Variants in TANC1 observed in about 807,000 individuals in gnomAD.
TANC1 encodes tetratricopeptide repeat, ankyrin repeat and coiled-coil containing 1, also known as protein TANC1.
Under a neutral mutation model 149.7 loss-of-function variants are expected in TANC1, and 77 were observed. The ratio of observed to expected loss-of-function variants is 0.51; its 90% confidence interval spans 0.43 to 0.62. TANC1 has a LOEUF of 0.62. Among genes scored for constraint, TANC1 ranks in the 20% least tolerant of loss-of-function variants. The pLI is 0.00. For missense variants in TANC1, 1,985 were observed against 2,321.8 expected, an observed-to-expected ratio of 0.85 and a Z score of 2.98; for synonymous variants, 854 against 925.0, an observed-to-expected ratio of 0.92 and a Z score of 1.39.
chr2:159,081,922 TCCAGTGA>T (rs2044312975), intron 3 of TANC1, among the ~76,000 whole-genome samples: 2 of 152,196 alleles, frequency 1.3e-5, no homozygotes, highest in Non-Finnish European at 2.9e-5. Context: ...GGGATCCAGG[TCCAGTGA>T]CCAGCCCTTC....
At chr2:159,052,003 A>G (rs1478588000) in intron 2 of TANC1, among the ~76,000 whole-genome samples, 4 of 152,180 alleles carry the variant, frequency 2.6e-5, no homozygotes, top group African/African-American at 9.7e-5. Context: ...GATTTAGGGC[A>G]TACAGCTGGG....
chr2:159,140,505 A>G (rs1405378674), intron 5 of TANC1, among the ~76,000 whole-genome samples: 1 of 152,082 alleles, frequency 6.6e-6, no homozygotes, highest in East Asian at 1.9e-4. Flanking sequence ...CTATGCTGTG[A>G]AAAAACACTA....
intron 4 of TANC1, among the ~76,000 whole-genome samples, chr2:159,111,251 G>C (rs922958542): frequency 6.6e-6 from 1 of 152,206 alleles, no homozygotes; most frequent in African/African-American, 2.4e-5. Flanking sequence ...TGAAGCTGAT[G>C]GAGAGTATAA....
At chr2:159,099,962 C>A (rs1423056253) in intron 4 of TANC1, among the ~76,000 whole-genome samples, 1 of 152,172 alleles carries the variant, frequency 6.6e-6, no homozygotes. Context: ...TTAAAAGTAT[C>A]ACTGAGTAGT....
chr2:159,164,724 G>A (rs1448217557), intron 8 of TANC1, among the ~76,000 whole-genome samples: 1 of 152,238 alleles, frequency 6.6e-6, no homozygotes, highest in Non-Finnish European at 1.5e-5. Flanking sequence ...CTTTCAGGAT[G>A]CGGTGGGTCA....
chr2:159,004,384 G>A, intron 2 of TANC1: 1 of 1,304,284 alleles, frequency 7.7e-7, no homozygotes, highest in Admixed American at 1.7e-5. Context: ...TGGTTCCAAA[G>A]TTTTACAGAC....
chr2:158,992,011 T>C, intron 1 of TANC1, among the ~76,000 whole-genome samples: 1 of 152,182 alleles, frequency 6.6e-6, no homozygotes, highest in African/African-American at 2.4e-5. Flanking sequence ...TAAAATATTT[T>C]AAGAATTATA....
chr2:159,122,228 G>A lies in TANC1; in HGVS notation c.260-13966G>A, dbSNP rs148655465. Among the ~76,000 whole-genome samples the A allele has an allele frequency of 3.0e-4, 45 of 152,290 alleles. No individual in the cohort carries two copies. In the East Asian group the frequency reaches 8.5e-3, roughly 29 times the overall value. ...GCTGGAATTACAGGTGTGAGCCACT[G>A]TTCCTGGCCTATTTTTTAAAATAGT... On this transcript the variant is annotated intron_variant, in intron 4 of 26. Coordinates refer to ENST00000263635, the MANE Select transcript of TANC1 (RefSeq NM_033394.3).
chr2:159,024,525 C>T (rs568612035), intron 2 of TANC1, among the ~76,000 whole-genome samples: 3 of 152,172 alleles, frequency 2.0e-5, no homozygotes, highest in East Asian at 1.9e-4. Flanking sequence ...CTGAGGCAGG[C>T]GGATCACTTG....
At chr2:159,216,578 C>A (rs1258608995) in intron 19 of TANC1, among the ~76,000 whole-genome samples, 2 of 152,218 alleles carry the variant, frequency 1.3e-5, no homozygotes, top group African/African-American at 4.8e-5. Flanking sequence ...CTGCTTATTA[C>A]CCCCAAATTA....
intron 2 of TANC1, among the ~76,000 whole-genome samples, chr2:159,055,676 C>A (rs2041796789): frequency 6.6e-6 from 1 of 152,122 alleles, no homozygotes; most frequent in Non-Finnish European, 1.5e-5. Flanking sequence ...CATACTTTTT[C>A]TCTCTGGCTA....
intron 17 of TANC1, among the ~76,000 whole-genome samples, chr2:159,196,018 G>A (rs2057818146): frequency 6.6e-6 from 1 of 152,202 alleles, no homozygotes; most frequent in African/African-American, 2.4e-5. Flanking sequence ...TTTCTGCCTA[G>A]CTGGCCTGCC....
chr2:159,193,327 T>C (rs150137749), intron 16 of TANC1, among the ~76,000 whole-genome samples: 109 of 152,326 alleles, frequency 7.2e-4, no homozygotes, highest in African/African-American at 2.5e-3. Flanking sequence ...AATAATCCAT[T>C]GTATGTATAT....
At chr2:159,215,840 A>G (rs10194768) in intron 19 of TANC1, among the ~76,000 whole-genome samples, 79,389 of 151,748 alleles carry the variant, frequency 0.52, 21,859 homozygotes, top group East Asian at 0.86. Context: ...GTTTAGCCAC[A>G]TGGTGTTTAT....
At position 159,230,304 on chromosome 2, in the gene TANC1, C is replaced by T; in HGVS notation, c.4878C>T (p.Thr1626=). The T allele has an allele frequency of 3.1e-6, 5 of 1,614,132 alleles. No individual in the cohort carries two copies. The highest frequency in any genetic ancestry group is 4.2e-6 in the Non-Finnish European group (5 of 1,180,026). The stretch of plus-strand genomic sequence containing the variant: ...ACCCTTTACCAAGTAAGACGAAAAC[C>T]ACAGAGAGGCTTCTGTCTCATTCCT... ...PAHPLPSKTK[T]TERLLSHSSV... Residue 1626 remains threonine, a synonymous_variant, in exon 27 of 27, where the codon ACC becomes ACT. Coordinates refer to ENST00000263635, the MANE Select transcript of TANC1 (RefSeq NM_033394.3). The surrounding 1 kb of genome is among the most constrained non-coding windows in gnomAD (Gnocchi z 4.4).
intron 4 of TANC1, among the ~76,000 whole-genome samples, chr2:159,135,096 C>T (rs1463498905): frequency 6.6e-6 from 1 of 152,144 alleles, no homozygotes; most frequent in Non-Finnish European, 1.5e-5. Flanking sequence ...TTACCATTAC[C>T]CCACAGGCCT....
chr2:159,161,876 C>T (rs2054079070), intron 7 of TANC1, among the ~76,000 whole-genome samples: 1 of 152,196 alleles, frequency 6.6e-6, no homozygotes, highest in South Asian at 2.1e-4. Context: ...GAAGTTTATT[C>T]ATTTGCTCAT....
chr2:159,164,786 A>T (rs1400372123), intron 8 of TANC1, among the ~76,000 whole-genome samples: 1 of 152,194 alleles, frequency 6.6e-6, no homozygotes, highest in Non-Finnish European at 1.5e-5. Flanking sequence ...AGTAGCTGAT[A>T]AATAAGTGGC....
At chr2:159,167,817 A>G (rs572470944) in intron 8 of TANC1, among the ~76,000 whole-genome samples, 1 of 152,212 alleles carries the variant, frequency 6.6e-6, no homozygotes, top group African/African-American at 2.4e-5. Flanking sequence ...TGAGGAAGAG[A>G]AGGACTGAGA....
Sources: allele counts gnomAD v4.1 joint callset (sites outside exome capture counted in the v4.1 genomes callset), GRCh38; gene constraint gnomAD v4.1.1; non-coding constraint Gnocchi (gnomAD v3.1); transcripts MANE v1.5; gene names NCBI Gene and HGNC (gene_info 2026-07-23, HGNC 2026-07-21).